The following CNTN1 variants were observed in gnomAD, a reference collection of about 807,000 sequenced individuals.
The protein encoded by CNTN1 is contactin-1.
Under a neutral mutation model 126.4 loss-of-function variants are expected in CNTN1, and 38 were observed. That is an observed-to-expected ratio of 0.30 (90% CI 0.23 to 0.39). The LOEUF (loss-of-function observed/expected upper bound fraction) is 0.39, where lower values mean the gene tolerates loss of function less well. Ranked by LOEUF, CNTN1 falls within the 10% of genes least tolerant of loss-of-function variation. The pLI is 1.00. For synonymous variants in CNTN1, 413 were observed against 422.6 expected, an observed-to-expected ratio of 0.98 and a Z score of 0.28; for missense variants, 1,009 against 1,248.4, an observed-to-expected ratio of 0.81 and a Z score of 2.89.
intron 23 of CNTN1, among the ~76,000 whole-genome samples, chr12:41,052,748 A>G (rs913557301): frequency 1.3e-5 from 2 of 152,092 alleles, no homozygotes; most frequent in African/African-American, 4.8e-5. Flanking sequence ...ATACTGTTGG[A>G]TTACAATATC....
intron 1 of CNTN1, among the ~76,000 whole-genome samples, chr12:40,773,193 T>G (rs1389152984): frequency 6.6e-6 from 1 of 151,808 alleles, no homozygotes. Flanking sequence ...AATTAATACC[T>G]GAGTTAAAGA....
At chr12:40,794,119 T>C (rs1417700291) in intron 1 of CNTN1, among the ~76,000 whole-genome samples, 1 of 152,100 alleles carries the variant, frequency 6.6e-6, no homozygotes, top group Non-Finnish European at 1.5e-5. Flanking sequence ...CCTATCATTG[T>C]ACAATGAGGA....
At chr12:40,698,483 G>T (rs370065938) in intron 1 of CNTN1, among the ~76,000 whole-genome samples, 1 of 151,806 alleles carries the variant, frequency 6.6e-6, no homozygotes, top group African/African-American at 2.4e-5. Flanking sequence ...TGATCCGCCC[G>T]CCTCGGCCTC....
intron 1 of CNTN1, among the ~76,000 whole-genome samples, chr12:40,895,633 T>A (rs1944382283): frequency 6.6e-6 from 1 of 152,156 alleles, no homozygotes; most frequent in Non-Finnish European, 1.5e-5. Flanking sequence ...CAATCACCTC[T>A]TTAAGGTCTC....
intron 1 of CNTN1, among the ~76,000 whole-genome samples, chr12:40,775,410 G>T (rs865781254): frequency 6.6e-6 from 1 of 151,208 alleles, no homozygotes; most frequent in Non-Finnish European, 1.5e-5. Context: ...AGAAACTTGG[G>T]TAAGTAGTTT....
At chr12:40,774,203 G>A (rs138449013) in intron 1 of CNTN1, among the ~76,000 whole-genome samples, 1 of 151,688 alleles carries the variant, frequency 6.6e-6, no homozygotes, top group East Asian at 1.9e-4. Context: ...ACAAATTGAA[G>A]ACTACATTTT....
intron 23 of CNTN1, among the ~76,000 whole-genome samples, chr12:41,049,551 A>G (rs1013089049): frequency 2.6e-5 from 4 of 152,214 alleles, no homozygotes; most frequent in African/African-American, 9.6e-5. Flanking sequence ...CTACCATCAT[A>G]GGGTCCAGTC....
At chr12:40,853,634 A>G (rs182850491) in intron 1 of CNTN1, among the ~76,000 whole-genome samples, 1 of 152,080 alleles carries the variant, frequency 6.6e-6, no homozygotes, top group East Asian at 1.9e-4. Flanking sequence ...TAAACAAGAG[A>G]TATACAAGAT....
intron 1 of CNTN1, among the ~76,000 whole-genome samples, chr12:40,887,591 T>C (rs1408603024): frequency 4.6e-5 from 7 of 152,064 alleles, no homozygotes; most frequent in African/African-American, 1.7e-4. Context: ...TCAACCCTTG[T>C]GGAAGTCAGT....
At chr12:40,888,606 TAAC>T (rs1392941036) in intron 1 of CNTN1, among the ~76,000 whole-genome samples, 1 of 150,000 alleles carries the variant, frequency 6.7e-6, no homozygotes, top group African/African-American at 2.5e-5. Context: ...GAAATGTGAT[TAAC>T]AACAACAACA....
At position 40,918,657 on chromosome 12, in the gene CNTN1, G is replaced by T. The variant is rs775721954; in HGVS notation, c.113G>T (p.Gly38Val). The T allele has an allele frequency of 1.9e-6, 3 of 1,613,186 alleles. No individual in the cohort carries two copies. Among genetic ancestry groups the T allele is most frequent in the Non-Finnish European group, 2.5e-6 (3 of 1,179,332 alleles). Residue 38 changes from glycine (G) to valine (V), a missense_variant, in exon 4 of 24, where the codon GGA becomes GTA. Coordinates refer to ENST00000551295, the MANE Select transcript of CNTN1 (RefSeq NM_001843.4). ...CTTGTAGTTTCTGAGGAAGACAAAG[G>T]ATTTGGACCAATTTTTGAAGAGCAG... ...YGHGVSEEDK[G>V]FGPIFEEQPI...
chr12:40,695,173 T>C (rs1372467588), intron 1 of CNTN1, among the ~76,000 whole-genome samples: 1 of 152,218 alleles, frequency 6.6e-6, no homozygotes, highest in Admixed American at 6.5e-5. Context: ...CCCCACCACA[T>C]TGAACACAGT....
intron 1 of CNTN1, chr12:40,762,963 G>A (rs778570939): frequency 4.6e-5 from 7 of 152,200 alleles, no homozygotes; most frequent in Admixed American, 6.5e-5. Context: ...TGGGTCATGG[G>A]GCAGGAGCCC....
At chr12:41,004,175 A>C (rs1458389266) in intron 17 of CNTN1, among the ~76,000 whole-genome samples, 1 of 152,038 alleles carries the variant, frequency 6.6e-6, no homozygotes, top group Non-Finnish European at 1.5e-5. Flanking sequence ...TATCTTCTCG[A>C]TTTCTGCTTT....
chr12:40,906,047 G>A (rs1255698049), intron 1 of CNTN1, among the ~76,000 whole-genome samples: 4 of 152,178 alleles, frequency 2.6e-5, no homozygotes, highest in Admixed American at 1.3e-4. Flanking sequence ...AGGCCGAGGC[G>A]GGCGGATCAC....
chr12:40,744,304 T>TAA (rs11392752), intron 1 of CNTN1, among the ~76,000 whole-genome samples: 103 of 145,874 alleles, frequency 7.1e-4, no homozygotes, highest in Admixed American at 1.1e-3. Context: ...TTAAATTAAA[T>TAA]AAAAAAAAAA....
At chr12:40,981,093 C>T (rs202213381) in intron 16 of CNTN1, 26 bp downstream of exon 16, 31 of 1,608,966 alleles carry the variant, frequency 1.9e-5, no homozygotes, top group Middle Eastern at 2.2e-4. Flanking sequence ...CTGATTAATC[C>T]GTGCATGTTT....
At chr12:40,805,500 C>T (rs73112700) in intron 1 of CNTN1, among the ~76,000 whole-genome samples, 5,842 of 152,092 alleles carry the variant, frequency 0.038, 368 homozygotes, top group African/African-American at 0.13. Context: ...AAAAAAAAGT[C>T]TAGTACTTCC....
intron 14 of CNTN1, among the ~76,000 whole-genome samples, chr12:40,952,010 T>C (rs553370847): frequency 6.6e-6 from 1 of 152,104 alleles, no homozygotes; most frequent in Non-Finnish European, 1.5e-5. Flanking sequence ...AGTTGGCTGG[T>C]TTATAGATGG....
Sources: allele counts gnomAD v4.1 joint callset (sites outside exome capture counted in the v4.1 genomes callset), GRCh38; gene constraint gnomAD v4.1.1; transcripts MANE v1.5; gene names NCBI Gene and HGNC (gene_info 2026-07-23, HGNC 2026-07-21).